MXRA5: variants seen among roughly 807,000 people sequenced by gnomAD.
The protein encoded by MXRA5 is matrix-remodeling-associated protein 5.
In MXRA5, 41 loss-of-function variants were observed where a neutral mutation model predicts 112.5. The ratio of observed to expected loss-of-function variants is 0.36; its 90% CI spans 0.28 to 0.47. MXRA5 has a LOEUF of 0.47. MXRA5 is among the 20% of genes least tolerant of loss of function. The pLI is 0.99. For synonymous variants in MXRA5, 862 were observed against 900.8 expected, an observed-to-expected ratio of 0.96 and a Z score of 0.77; for missense variants, 2,150 against 2,251.0, an observed-to-expected ratio of 0.96 and a Z score of 0.91.
At position 3,309,902 on chromosome X, in the gene MXRA5, C is replaced by A; in HGVS notation, c.8301G>T (p.Trp2767Cys). 2 of 1,211,629 alleles carry A rather than the reference C, an allele frequency of 1.7e-6. No individual in the cohort carries two copies. The highest frequency in any genetic ancestry group is 2.2e-6 in the Non-Finnish European group (2 of 895,504). Reference protein sequence around the residue: ...AMGIPKADITWELPDKSHLKA... With the variant: ...AMGIPKADITCELPDKSHLKA... ...TCAGATGCGACTTATCCGGTAACTC[C>A]CACGTGATGTCAGCTTTGGGAATCC... is the stretch of plus-strand genomic sequence containing the variant. Residue 2767 changes from tryptophan to cysteine, a missense_variant, in exon 7 of 7, where the codon TGG (tryptophan) becomes TGT (cysteine). Physicochemically the swap from Trp to Cys is radical, Grantham distance 215 (BLOSUM62 -2). This residue lies in a region of MXRA5 where 178 missense variants were observed against 198.2 expected (regional missense o/e 0.90). Coordinates refer to ENST00000217939, the MANE Select transcript of MXRA5 (RefSeq NM_015419.4).
rs371839797 is a variant in MXRA5, at chrX:3,322,329, G to A, written c.3356C>T (p.Thr1119Ile). 1.7e-5 allele frequency: 21 copies of A among 1,209,105 alleles called. No homozygotes were observed. Among genetic ancestry groups the A allele is most frequent in the Non-Finnish European group, 2.2e-5 (20 of 895,115 alleles). ...TGTTGTGGTGTCTTTGTCTAGGAGGGTACCAACTGTGGTTTCCGCAGGCTT... is the reference window on the plus strand; with the variant it reads ...TGTTGTGGTGTCTTTGTCTAGGAGGATACCAACTGTGGTTTCCGCAGGCTT... ...VKKPAETTVG[T>I]LLDKDTTTAT... The change falls in exon 5 of 7, where the codon ACC becomes ATC. Residue 1119 changes from threonine (T) to isoleucine (I), a missense_variant. Coordinates refer to ENST00000217939, the MANE Select transcript of MXRA5 (RefSeq NM_015419.4).
intron 4 of MXRA5, among the ~76,000 whole-genome samples, chrX:3,328,353 T>C (rs953895259): frequency 8.9e-6 from 1 of 112,144 alleles, no homozygotes; most frequent in South Asian, 3.7e-4. Context: ...ACTGTGTGGC[T>C]AGAAATAAAC....
Position 3,323,754 on chromosome X carries a change from C to A in MXRA5, c.1931G>T (p.Ser644Ile). The A allele has an allele frequency of 8.3e-7, 1 of 1,212,013 alleles. No homozygotes were observed. Among genetic ancestry groups the A allele is most frequent in the Non-Finnish European group, 1.1e-6 (1 of 895,528 alleles). Reference sequence around the variant, plus strand: ...CACACATCTGTAGTAACCACTGTCACTGACTTGGACCTTTGGGATGGAAAG... The same window carrying A: ...CACACATCTGTAGTAACCACTGTCAATGACTTGGACCTTTGGGATGGAAAG... ...GTLSIPKVQV[S>I]DSGYYRCVAV... Residue 644 changes from serine (S) to isoleucine (I), a missense_variant, in exon 5 of 7, where the codon AGT becomes ATT. Coordinates refer to ENST00000217939, the MANE Select transcript of MXRA5 (RefSeq NM_015419.4).
chrX:3,311,235 G>A lies in MXRA5; in HGVS notation c.6968C>T (p.Thr2323Ile). 8.3e-7 allele frequency: 1 copy of A among 1,212,020 alleles called. No homozygotes were observed. Among genetic ancestry groups the A allele is most frequent in the Non-Finnish European group, 1.1e-6 (1 of 895,633 alleles). Residue 2323 changes from threonine (T) to isoleucine (I), a missense_variant, in exon 7 of 7, where the codon ACC (threonine) becomes ATC (isoleucine). Thr to Ile is a moderately conservative substitution (Grantham distance 89). This residue lies in a region of MXRA5 where 1,485 missense variants were observed against 1,471.6 expected (regional missense o/e 1.01). Transcript: ENST00000217939. Reference protein sequence around the residue: ...EVGMREEGDYTCFAENQVGKD... With the variant: ...EVGMREEGDYICFAENQVGKD... Reference sequence around the variant, plus strand: ...CCCGACCTGATTTTCAGCAAAGCAGGTGTAGTCTCCTTCCTCCCTCATCCC... The same window carrying A: ...CCCGACCTGATTTTCAGCAAAGCAGATGTAGTCTCCTTCCTCCCTCATCCC...
At chrX:3,334,454 C>T (rs761789384) in intron 2 of MXRA5, among the ~76,000 whole-genome samples, 5 of 111,452 alleles carry the variant, frequency 4.5e-5, no homozygotes, top group South Asian at 3.8e-4. Flanking sequence ...TCAGACATTG[C>T]TCTGTGTCAA....
Position 3,330,181 on chromosome X carries a change from G to C in MXRA5, c.546C>G (p.Leu182=). The C allele has an allele frequency of 8.3e-7, 1 of 1,209,240 alleles. No individual in the cohort carries two copies. Among genetic ancestry groups the C allele is most frequent in the East Asian group, 3.0e-5 (1 of 33,806 alleles). ...CTAAGTAGAGGTGCCTTATGGTGGA[G>C]AGTCTGAAATAATCCAAAAATGTGA... is the stretch of plus-strand genomic sequence containing the variant. The part of the protein sequence containing the change: ...STFTFLDYFR[L]STIRHLYLAE... Residue 182 remains leucine (L), a synonymous_variant, in exon 4 of 7, where the codon CTC becomes CTG. Coordinates refer to ENST00000217939, the MANE Select transcript of MXRA5 (RefSeq NM_015419.4).
intron 2 of MXRA5, among the ~76,000 whole-genome samples, chrX:3,338,372 AATAG>A (rs1194638569): frequency 1.7e-4 from 19 of 110,901 alleles, no homozygotes; most frequent in South Asian, 7.7e-4. Context: ...ACAGATGATA[AATAG>A]ATAGATAGAT....
At chrX:3,326,304 A>G (rs1921505766) in intron 4 of MXRA5, among the ~76,000 whole-genome samples, 1 of 78,309 alleles carries the variant, frequency 1.3e-5, no homozygotes. Context: ...TACATTTATA[A>G]TATATAATTT....
chrX:3,317,760 G>A lies in MXRA5; in HGVS notation c.5921C>T (p.Ala1974Val). Residue 1974 changes from alanine to valine, a missense_variant, in exon 6 of 7, where the codon GCC (alanine) becomes GTC (valine). Ala to Val is a moderately conservative substitution (Grantham distance 64, BLOSUM62 0). Transcript: ENST00000217939. ...LGDTIAMECL[A>V]KGTPAPQISW... is the part of the protein sequence containing the mutation. ...AATTTGGGGGGCTGGGGTCCCTTTG[G>A]CCAGACACTCCATTGCAATGGTGTC... 8.3e-7 allele frequency: 1 copy of A among 1,209,245 alleles called. No individual in the cohort carries two copies. The highest frequency in any genetic ancestry group is 1.1e-6 in the Non-Finnish European group (1 of 893,995).
At position 3,324,719 on chromosome X, in the gene MXRA5, C is replaced by A; in HGVS notation, c.966G>T (p.Met322Ile). The A allele has an allele frequency of 8.3e-7, 1 of 1,210,351 alleles. No individual in the cohort carries two copies. Among genetic ancestry groups the A allele is most frequent in the Non-Finnish European group, 1.1e-6 (1 of 894,581 alleles). The change falls in exon 5 of 7, where the codon ATG (methionine) becomes ATT (isoleucine). Residue 322 changes from methionine (M) to isoleucine (I), a missense_variant. Physicochemically the swap from Met to Ile is conservative, Grantham distance 10. This residue lies in a region of MXRA5 where 386 missense variants were observed against 411.0 expected (regional missense o/e 0.94). Transcript: ENST00000217939. ...TCACCATGTTCCCGTGCTCGTCGGTCATATTCAAAGAGATGCTCCACTGGG... is the reference window on the plus strand; with the variant it reads ...TCACCATGTTCCCGTGCTCGTCGGTAATATTCAAAGAGATGCTCCACTGGG... ...QLPQWSISLN[M>I]TDEHGNMVNL...
At position 3,323,353 on chromosome X, in the gene MXRA5, T is replaced by A; in HGVS notation, c.2332A>T (p.Ile778Phe). Reference sequence around the variant, plus strand: ...ATATCAGCCCAGCGCTCCGGATTAATCTGTTTGTTTGCCATGTTTATCCTT... The same window carrying A: ...ATATCAGCCCAGCGCTCCGGATTAAACTGTTTGTTTGCCATGTTTATCCTT... ...RRRINMANKQ[I>F]NPERWADILA... The change falls in exon 5 of 7, where the codon ATT becomes TTT. Residue 778 changes from isoleucine to phenylalanine, a missense_variant. Ile to Phe is a conservative substitution (Grantham distance 21, BLOSUM62 0). Around this residue, in one of 6 missense-constraint regions of MXRA5, gnomAD observed 1,485 missense variants for 1,471.6 expected, o/e 1.01. Coordinates refer to ENST00000217939, the MANE Select transcript of MXRA5 (RefSeq NM_015419.4). The A allele has an allele frequency of 8.3e-7, 1 of 1,211,885 alleles. No individual in the cohort carries two copies. The highest frequency in any genetic ancestry group is 1.1e-6 in the Non-Finnish European group (1 of 895,550).
rs753805632 is a variant in MXRA5 at position 3,320,786 on chromosome X, A to T, written c.4899T>A (p.Phe1633Leu). 34 of 1,210,530 alleles carry T rather than the reference A, an allele frequency of 2.8e-5. No individual in the cohort carries two copies. The highest frequency in any genetic ancestry group is 3.7e-5 in the Non-Finnish European group (33 of 895,433). ...AGTGACGAGGTGACTGGGAAGTTAC[A>T]AAGTATCTGGAAGCGCTTTGTGTGG... is the stretch of plus-strand genomic sequence containing the variant. Reference protein sequence around the residue: ...EMSTQSASRYFVTSQSPRHWT... With the variant: ...EMSTQSASRYLVTSQSPRHWT... The change falls in exon 5 of 7, where the codon TTT becomes TTA. Residue 1633 changes from phenylalanine to leucine, a missense_variant. Physicochemically the swap from Phe to Leu is conservative, Grantham distance 22. This residue lies in a region of MXRA5 where 1,485 missense variants were observed against 1,471.6 expected (regional missense o/e 1.01). Coordinates refer to ENST00000217939, the MANE Select transcript of MXRA5 (RefSeq NM_015419.4).
chrX:3,341,104 A>ATG (rs373234136), intron 2 of MXRA5, among the ~76,000 whole-genome samples: 1 of 31,923 alleles, frequency 3.1e-5, no homozygotes, highest in Non-Finnish European at 5.5e-5. Flanking sequence ...GTTATACATA[A>ATG]TATAATATAA....
At chrX:3,343,527 C>T (rs1228641386) in intron 2 of MXRA5, 119 bp downstream of exon 2, 5 of 686,352 alleles carry the variant, frequency 7.3e-6, no homozygotes, top group South Asian at 3.4e-5. Flanking sequence ...TAATTCTCGA[C>T]AGAGCTACAC....
At chrX:3,345,451 G>C (rs1408725875) in intron 1 of MXRA5, among the ~76,000 whole-genome samples, 1 of 112,974 alleles carries the variant, frequency 8.9e-6, no homozygotes, top group African/African-American at 3.2e-5. Flanking sequence ...TGGTTCCAAG[G>C]GCAGCCGCGC....
chrX:3,330,797 T>G, intron 2 of MXRA5, 24 bp from the exon 3 acceptor site: 2 of 969,445 alleles, frequency 2.1e-6, no homozygotes, highest in Non-Finnish European at 2.8e-6. Context: ...ATAATAATAA[T>G]AACAATAATA....
chrX:3,317,058 G>C (rs1603467879), intron 6 of MXRA5, 45 bp downstream of exon 6: 1 of 1,087,979 alleles, frequency 9.2e-7, no homozygotes, highest in Non-Finnish European at 1.2e-6. Context: ...ATTCGTTGGG[G>C]CCACCAGCCC....
In MXRA5 at chrX:3,323,521, C is replaced by T. The variant is rs780791632; in HGVS notation, c.2164G>A (p.Val722Met). 5 of 1,209,582 alleles carry T rather than the reference C, an allele frequency of 4.1e-6. No homozygotes were observed. The highest frequency in any genetic ancestry group is 5.6e-6 in the Non-Finnish European group (5 of 895,220). Residue 722 changes from valine to methionine, a missense_variant, in exon 5 of 7, where the codon GTG becomes ATG. Physicochemically the swap from Val to Met is conservative, Grantham distance 21 (BLOSUM62 1). This residue lies in a region of MXRA5 where 1,485 missense variants were observed against 1,471.6 expected (regional missense o/e 1.01). Coordinates refer to ENST00000217939, the MANE Select transcript of MXRA5 (RefSeq NM_015419.4). ...GCATCATCCTTTGTTTTGAGGAACA[C>T]CTCTTGGTCCTTTGGATGCAGAAGT... ...RRLLHPKDQE[V>M]FLKTKDDAIN...
intron 2 of MXRA5, among the ~76,000 whole-genome samples, chrX:3,335,175 T>G (rs1357150340): frequency 9.0e-6 from 1 of 111,275 alleles, no homozygotes; most frequent in African/African-American, 3.3e-5. Context: ...CATTTTTTAT[T>G]TTTTATTTTT....
Sources: gnomAD v4.1 joint callset for allele counts (sites outside exome capture counted in the v4.1 genomes callset) on GRCh38, gnomAD v4.1.1 for gene constraint, gnomAD v4.1.1 regional missense constraint, MANE v1.5 for transcripts, NCBI Gene and HGNC (gene_info 2026-07-23, HGNC 2026-07-21) for gene names.